ATP6V1E1: variants seen among roughly 807,000 people sequenced by gnomAD.
ATP6V1E1 encodes V-type proton ATPase subunit E 1.
A neutral mutation model predicts 35.2 loss-of-function variants in ATP6V1E1; 21 were observed. The observed-to-expected ratio is 0.60, with a 90% confidence interval of 0.42 to 0.86. The LOEUF (loss-of-function observed/expected upper bound fraction) is 0.86. Among genes scored for constraint, ATP6V1E1 ranks in the 40% least tolerant of loss-of-function variants. The pLI is 0.00. For missense variants in ATP6V1E1, 183 were observed against 272.6 expected, an observed-to-expected ratio of 0.67 and a Z score of 2.32; for synonymous variants, 83 against 87.8, an observed-to-expected ratio of 0.95 and a Z score of 0.30.
At chr22:17,606,591 C>G (rs956479168) in intron 4 of ATP6V1E1, among the ~76,000 whole-genome samples, 9 of 152,208 alleles carry the variant, frequency 5.9e-5, no homozygotes, top group African/African-American at 2.2e-4. Flanking sequence ...AAGCTATATA[C>G]TGAATTCAAG....
chr22:17,613,305 T>A lies in ATP6V1E1; in HGVS notation c.115A>T (p.Asn39Tyr). ...TGCACAAGCCGACCTTTCTCTATGT[T>A]GAACTCTTCTTCTGCCTAGAGGGAA... ...EIDAKAEEEF[N>Y]IEKGRLVQTQ... Residue 39 changes from asparagine (N) to tyrosine (Y), a missense_variant, in exon 3 of 9, where the codon AAC (asparagine) becomes TAC (tyrosine). Coordinates refer to ENST00000253413, the MANE Select transcript of ATP6V1E1 (RefSeq NM_001696.4). 6.2e-7 allele frequency: 1 copy of A among 1,613,612 alleles called. No individual in the cohort carries two copies. Among genetic ancestry groups the A allele is most frequent in the Non-Finnish European group, 8.5e-7 (1 of 1,179,662 alleles).
chr22:17,608,972 G>C (rs2057799857), intron 4 of ATP6V1E1, among the ~76,000 whole-genome samples: 1 of 151,866 alleles, frequency 6.6e-6, no homozygotes, highest in South Asian at 2.1e-4. Flanking sequence ...TGTAGTCCCA[G>C]CTACTCAAGG....
intron 5 of ATP6V1E1, 93 bp downstream of exon 5, chr22:17,600,999 G>GAA: frequency 9.5e-7 from 1 of 1,051,704 alleles, no homozygotes; most frequent in South Asian, 1.8e-5. Context: ...AGAGAAATGA[G>GAA]AAAGCAGGAA....
chr22:17,598,068 C>T (rs921582581), intron 7 of ATP6V1E1, 126 bp downstream of exon 7: 4 of 743,368 alleles, frequency 5.4e-6, no homozygotes, highest in Non-Finnish European at 9.2e-6. Context: ...GTAGAATACA[C>T]CACAGCTCTA....
chr22:17,616,679 CA>C (rs374090230), intron 2 of ATP6V1E1, among the ~76,000 whole-genome samples: 103 of 52,636 alleles, frequency 2.0e-3, no homozygotes, highest in South Asian at 4.7e-3. Flanking sequence ...AACTCCGGCT[CA>C]AAAAAAAAAA....
chr22:17,602,415 C>A (rs2057766322), intron 4 of ATP6V1E1, among the ~76,000 whole-genome samples: 1 of 151,264 alleles, frequency 6.6e-6, no homozygotes, highest in Non-Finnish European at 1.5e-5. Context: ...CGCTCTGTTG[C>A]CCAGGCTGGA....
At chr22:17,599,305 G>A (rs986622532) in intron 6 of ATP6V1E1, among the ~76,000 whole-genome samples, 14 of 150,692 alleles carry the variant, frequency 9.3e-5, no homozygotes, top group Admixed American at 2.7e-4. Flanking sequence ...GGCAGGGCAC[G>A]GTGGCTCGCA....
intron 1 of ATP6V1E1, among the ~76,000 whole-genome samples, chr22:17,620,082 C>G (rs2057868013): frequency 6.6e-6 from 1 of 152,088 alleles, no homozygotes. Flanking sequence ...ATCTCCTCGC[C>G]CCTTGATCTT....
chr22:17,597,457 T>C (rs576107749), intron 7 of ATP6V1E1, among the ~76,000 whole-genome samples: 7 of 151,944 alleles, frequency 4.6e-5, no homozygotes, highest in Non-Finnish European at 8.8e-5. Context: ...ATACCACTCA[T>C]ACTTGCAATT....
At chr22:17,614,286 G>A (rs1194550493) in intron 2 of ATP6V1E1, among the ~76,000 whole-genome samples, 4 of 151,002 alleles carry the variant, frequency 2.6e-5, no homozygotes, top group Middle Eastern at 3.6e-3. Context: ...GGAGGCGGAG[G>A]TTGCAGTGAG....
intron 4 of ATP6V1E1, among the ~76,000 whole-genome samples, chr22:17,610,629 C>A (rs774041337): frequency 5.3e-5 from 8 of 152,178 alleles, no homozygotes; most frequent in Non-Finnish European, 1.2e-4. Context: ...AGGAATGCTG[C>A]CAAGACATTA....
intron 2 of ATP6V1E1, 92 bp downstream of exon 2, chr22:17,619,369 G>T: frequency 9.1e-7 from 1 of 1,094,826 alleles, no homozygotes; most frequent in Non-Finnish European, 1.3e-6. Flanking sequence ...GATGCAATCT[G>T]TTGTTAAGCA....
intron 2 of ATP6V1E1, 101 bp downstream of exon 2, chr22:17,619,360 A>G (rs1356577664): frequency 7.7e-5 from 80 of 1,032,824 alleles, no homozygotes; most frequent in Non-Finnish European, 1.1e-4. Context: ...TATCAGTCCG[A>G]TGCAATCTGT....
At chr22:17,594,274 C>T (rs903032614) in intron 8 of ATP6V1E1, among the ~76,000 whole-genome samples, 2 of 152,184 alleles carry the variant, frequency 1.3e-5, no homozygotes, top group African/African-American at 2.4e-5. Flanking sequence ...AACTTGTCAG[C>T]ACCTTACATG....
In ATP6V1E1 at chr22:17,613,193, C is replaced by T; in HGVS notation, c.209+18G>A. The T allele has an allele frequency of 1.9e-6, 3 of 1,602,322 alleles. No homozygotes were observed. Among genetic ancestry groups the T allele is most frequent in the Non-Finnish European group, 2.6e-6 (3 of 1,172,458 alleles). On this transcript the variant is annotated intron_variant, in intron 3 of 8. Transcript: ENST00000253413. ...CAGAAAACTTCTTAGCTTAATACTG[C>T]AACCAGGATCTACTTACATTTTCTT... is the stretch of plus-strand genomic sequence containing the variant.
chr22:17,592,800 CTT>C (rs150344720), intron 8 of ATP6V1E1, 64 bp from the exon 9 acceptor site: 47,883 of 685,330 alleles, frequency 0.07, 1 homozygote, highest in Middle Eastern at 0.095. Flanking sequence ...CGCTGCACAT[CTT>C]TTTTTTTTTT....
chr22:17,609,061 C>A (rs2146305365), intron 4 of ATP6V1E1, among the ~76,000 whole-genome samples: 1 of 152,180 alleles, frequency 6.6e-6, no homozygotes, highest in South Asian at 2.1e-4. Flanking sequence ...CCACTGCACT[C>A]CAGCCTGGGC....
At position 17,601,210 on chromosome 22, in the gene ATP6V1E1, T is replaced by C. The variant is rs1402352444; in HGVS notation, c.277-29A>G. 1.9e-6 allele frequency: 3 copies of C among 1,594,230 alleles called. No individual in the cohort carries two copies. In the South Asian group the frequency reaches 3.3e-5, roughly 18 times the overall value. ...CAAAGATTAGAAAAGATAAAAGTTA[T>C]CTACACATCTGGGCAGTCGGCTCAG... is the stretch of plus-strand genomic sequence containing the variant. On this transcript the variant is annotated intron_variant, in intron 4 of 8. Transcript: ENST00000253413.
In ATP6V1E1 at chr22:17,593,279, AC is replaced by A. The variant is rs1167137893; in HGVS notation, c.619-544del. The stretch of plus-strand genomic sequence containing the variant: ...TACAAAAGGGACACATTAAAAAAAA[AC>A]AAAACAAAAAAAAACCTAAAGTCAC... On this transcript the variant is annotated intron_variant, in intron 8 of 8. Coordinates refer to ENST00000253413, the MANE Select transcript of ATP6V1E1 (RefSeq NM_001696.4). Among the ~76,000 whole-genome samples the A allele has an allele frequency of 4.6e-5, 7 of 150,704 alleles. No homozygotes were observed. In the South Asian group the frequency reaches 6.2e-4, roughly 13 times the overall value.
Sources: gnomAD v4.1 joint callset for allele counts (sites outside exome capture counted in the v4.1 genomes callset) on GRCh38, gnomAD v4.1.1 for gene constraint, MANE v1.5 for transcripts, NCBI Gene and HGNC (gene_info 2026-07-23, HGNC 2026-07-21) for gene names.